Variants in TCERG1L observed in about 807,000 individuals in gnomAD.
TCERG1L encodes the protein transcription elongation regulator 1-like protein.
In TCERG1L, 37 loss-of-function variants were observed where a neutral mutation model predicts 56.3. That is an observed-to-expected ratio of 0.66 (90% CI 0.51 to 0.87). The LOEUF is 0.87. Ranked by LOEUF, TCERG1L falls within the 40% of genes least tolerant of loss-of-function variation. The pLI is 0.00. For missense variants in TCERG1L, 799 were observed against 774.2 expected (o/e 1.03, Z -0.38); for synonymous variants, 324 against 326.3 (o/e 0.99, Z 0.08).
chr10:131,151,057 C>A (rs11017765), intron 6 of TCERG1L, among the ~76,000 whole-genome samples: 30,749 of 152,136 alleles, frequency 0.2, 3,478 homozygotes, highest in East Asian at 0.35. Context: ...CCTGGTCCCA[C>A]CCTTGACACA....
chr10:131,293,466 AC>A (rs1205904136), intron 3 of TCERG1L, among the ~76,000 whole-genome samples: 2 of 152,076 alleles, frequency 1.3e-5, no homozygotes, highest in Admixed American at 6.5e-5. Flanking sequence ...CCTACCAGAA[AC>A]ATTCCAAACC....
intron 4 of TCERG1L, among the ~76,000 whole-genome samples, chr10:131,185,222 T>C (rs1230769298): frequency 6.6e-6 from 1 of 152,134 alleles, no homozygotes; most frequent in Non-Finnish European, 1.5e-5. Flanking sequence ...ATATTTTAAT[T>C]AGAAAAAAAT....
At chr10:131,254,237 T>G (rs920111822) in intron 4 of TCERG1L, among the ~76,000 whole-genome samples, 1 of 151,346 alleles carries the variant, frequency 6.6e-6, no homozygotes, top group Non-Finnish European at 1.5e-5. Context: ...ACACAGACAG[T>G]GACCCCAGAC....
chr10:131,160,323 T>C (rs1308065078), intron 6 of TCERG1L, among the ~76,000 whole-genome samples: 1 of 152,132 alleles, frequency 6.6e-6, no homozygotes, highest in Non-Finnish European at 1.5e-5. Context: ...GGAAGGCCTG[T>C]AGGTCCTGTG....
At chr10:131,178,330 C>G (rs1211734135) in intron 4 of TCERG1L, among the ~76,000 whole-genome samples, 1 of 152,212 alleles carries the variant, frequency 6.6e-6, no homozygotes, top group African/African-American at 2.4e-5. Context: ...ACTTTTGAAA[C>G]AAGACGAGGC....
chr10:131,217,763 C>G (rs1845686574), intron 4 of TCERG1L, among the ~76,000 whole-genome samples: 1 of 138,706 alleles, frequency 7.2e-6, no homozygotes, highest in Non-Finnish European at 1.5e-5. Context: ...ACTCTGTCAC[C>G]CAAGCTGGAG....
At chr10:131,155,934 C>T (rs1438032568) in intron 6 of TCERG1L, 1 of 152,238 alleles carries the variant, frequency 6.6e-6, no homozygotes. Context: ...ACAAGTGACT[C>T]CTCCTGTCCC....
intron 8 of TCERG1L, among the ~76,000 whole-genome samples, chr10:131,126,905 T>C (rs1452653392): frequency 1.3e-5 from 2 of 152,126 alleles, no homozygotes; most frequent in Non-Finnish European, 2.9e-5. Context: ...AGACAAGAGC[T>C]GAGGGAGACG....
chr10:131,144,404 C>T (rs1268347156), intron 7 of TCERG1L, among the ~76,000 whole-genome samples: 1 of 152,166 alleles, frequency 6.6e-6, no homozygotes, highest in African/African-American at 2.4e-5. Context: ...TGCAGGTCAT[C>T]AGCTCTGCTC....
At position 131,191,306 on chromosome 10, in the gene TCERG1L, CA is replaced by C. The variant is rs200879035; in HGVS notation, c.857-24422del. On this transcript the variant is annotated intron_variant, in intron 4 of 11. Coordinates refer to ENST00000368642, the MANE Select transcript of TCERG1L (RefSeq NM_174937.4). ...AGTATTATGAAAATGACCATACTGC[CA>C]AAAGCAATCTGCAGATTCAACGCAG... is the stretch of plus-strand genomic sequence containing the variant. Among the ~76,000 whole-genome samples, 12 of 143,972 alleles carry C rather than the reference CA, an allele frequency of 8.3e-5. No individual in the cohort carries two copies. The East Asian group carries it at 2.3e-3, about 28-fold the overall frequency. The allele number at this position is 143,972 out of a possible 152,430, so 94.5% of individuals were successfully genotyped here. A position where few individuals can be genotyped will look rare whatever the true frequency, so the allele number is the denominator to read the frequency against.
At chr10:131,299,049 T>G (rs1317452574) in intron 3 of TCERG1L, among the ~76,000 whole-genome samples, 3 of 152,240 alleles carry the variant, frequency 2.0e-5, no homozygotes, top group African/African-American at 7.2e-5. Context: ...TTTATTAGAT[T>G]AAATGTATTT....
Position 131,286,982 on chromosome 10 carries a change from A to G in TCERG1L, c.670+21229T>C, listed in dbSNP as rs533594504. Among the ~76,000 whole-genome samples the G allele has an allele frequency of 1.3e-4, 20 of 152,372 alleles. No homozygotes were observed. In the East Asian group the frequency reaches 3.3e-3, roughly 25 times the overall value. ...AGATAATATCAAAGAAGGAAGGTAA[A>G]TATCTCACCCATAACTTTTACATAA... On this transcript the variant is annotated intron_variant, in intron 3 of 11. Transcript: ENST00000368642.
At chr10:131,094,611 G>C (rs555659733) in intron 11 of TCERG1L, among the ~76,000 whole-genome samples, 9 of 152,018 alleles carry the variant, frequency 5.9e-5, no homozygotes, top group Non-Finnish European at 8.8e-5. Flanking sequence ...CAAGAAAAGC[G>C]CTTCTCTCTG....
chr10:131,199,974 A>T (rs79278231), intron 4 of TCERG1L, among the ~76,000 whole-genome samples: 10,620 of 152,202 alleles, frequency 0.07, 535 homozygotes, highest in East Asian at 0.22. Flanking sequence ...TTCTCCCTTT[A>T]GGTCAACATT....
intron 4 of TCERG1L, among the ~76,000 whole-genome samples, chr10:131,177,103 C>T (rs1368201460): frequency 6.6e-6 from 1 of 152,064 alleles, no homozygotes; most frequent in African/African-American, 2.4e-5. Context: ...GACACATGCA[C>T]ACACAGACAC....
At chr10:131,272,590 C>T (rs1034317534) in intron 3 of TCERG1L, among the ~76,000 whole-genome samples, 2 of 152,154 alleles carry the variant, frequency 1.3e-5, no homozygotes, top group Non-Finnish European at 2.9e-5. Flanking sequence ...TGCCTGGGGA[C>T]CCCAGTGCTC....
intron 8 of TCERG1L, among the ~76,000 whole-genome samples, chr10:131,117,587 A>G (rs1845472250): frequency 6.6e-6 from 1 of 152,136 alleles, no homozygotes; most frequent in South Asian, 2.1e-4. Context: ...GGCCCCGGAC[A>G]CTGTGGGCAG....
intron 9 of TCERG1L, among the ~76,000 whole-genome samples, chr10:131,107,651 C>T (rs1303882868): frequency 1.3e-5 from 2 of 152,124 alleles, no homozygotes; most frequent in African/African-American, 4.8e-5. Context: ...CTGAGGGAAG[C>T]CTGTTGTTCC....
At chr10:131,228,018 T>G (rs1845812104) in intron 4 of TCERG1L, among the ~76,000 whole-genome samples, 2 of 151,460 alleles carry the variant, frequency 1.3e-5, no homozygotes, top group African/African-American at 4.9e-5. Context: ...CTGTCCTCCT[T>G]GCCCAGCCCC....
Sources: allele counts gnomAD v4.1 joint callset (sites outside exome capture counted in the v4.1 genomes callset), GRCh38; gene constraint gnomAD v4.1.1; transcripts MANE v1.5; gene names NCBI Gene and HGNC (gene_info 2026-07-23, HGNC 2026-07-21).